The following IMMP2L variants were observed in gnomAD, a reference collection of about 807,000 sequenced individuals.
The protein encoded by IMMP2L is inner mitochondrial membrane peptidase subunit 2.
In IMMP2L, 18 loss-of-function variants were observed where a neutral mutation model predicts 19.3. That is an observed-to-expected ratio of 0.93 (90% CI 0.64 to 1.38). IMMP2L has a LOEUF of 1.38. Ranked by LOEUF, IMMP2L falls within the 40% of genes most tolerant of loss-of-function variation. IMMP2L has a pLI of 0.00. For missense variants in IMMP2L, 233 were observed against 218.2 expected (o/e 1.07, Z -0.43); for synonymous variants, 76 against 73.0 (o/e 1.04, Z -0.21).
chr7:111,418,071 T>C (rs1364056715), intron 3 of IMMP2L, among the ~76,000 whole-genome samples: 1 of 151,936 alleles, frequency 6.6e-6, no homozygotes, highest in Non-Finnish European at 1.5e-5. Flanking sequence ...TCAAACATTA[T>C]GTATCCTATA....
intron 3 of IMMP2L, among the ~76,000 whole-genome samples, chr7:111,118,500 T>A (rs1354958493): frequency 6.6e-6 from 1 of 152,064 alleles, no homozygotes; most frequent in Admixed American, 6.6e-5. Context: ...TAGGTTTTAA[T>A]CCCACCCCAC....
At chr7:111,049,850 G>C (rs892555459) in intron 3 of IMMP2L, among the ~76,000 whole-genome samples, 1 of 152,168 alleles carries the variant, frequency 6.6e-6, no homozygotes, top group African/African-American at 2.4e-5. Flanking sequence ...AAATATTTAG[G>C]GGAAATTAAC....
rs554390528 is a variant in IMMP2L, at chr7:110,669,681, C to A, written c.409-5960G>T. Among the ~76,000 whole-genome samples, 87 of 152,282 alleles carry A rather than the reference C, an allele frequency of 5.7e-4. No individual in the cohort carries two copies. The Middle Eastern group carries it at 0.014, about 24-fold the overall frequency. On this transcript the variant is annotated intron_variant, in intron 5 of 5. Coordinates refer to ENST00000405709, the MANE Select transcript of IMMP2L (RefSeq NM_032549.4). ...CTTAAAATAAGCCATGGGGTAAGTA[C>A]TGTTACTGCCTCTATTTCGTAGCCG...
rs181762469 is a variant in IMMP2L, at chr7:110,893,434, G to T, written c.306-6739C>A. 3.2e-3 allele frequency among the ~76,000 whole-genome samples: 492 copies of T among 152,192 alleles called. 2 individuals are homozygous for T. Among genetic ancestry groups the T allele is most frequent in the African/African-American group, 0.011 (477 of 41,516 alleles). On this transcript the variant is annotated intron_variant, in intron 4 of 5. Coordinates refer to ENST00000405709, the MANE Select transcript of IMMP2L (RefSeq NM_032549.4). The stretch of plus-strand genomic sequence containing the variant: ...TCTTACTTTAGTCTAACGCTTTTGA[G>T]ATCAGTTCACATTGTTCAAACCAAA...
chr7:110,688,291 C>T (rs569465164), intron 5 of IMMP2L, among the ~76,000 whole-genome samples: 2 of 152,024 alleles, frequency 1.3e-5, no homozygotes, highest in South Asian at 4.1e-4. Context: ...AGAAATAGCT[C>T]GTGGAAACAC....
intron 3 of IMMP2L, among the ~76,000 whole-genome samples, chr7:111,421,339 G>C (rs38749): frequency 1.4e-5 from 2 of 141,758 alleles, no homozygotes; most frequent in African/African-American, 5.4e-5. Flanking sequence ...GCGCAATCTC[G>C]GCTCACTGCA....
chr7:111,223,573 G>A (rs542859661), intron 3 of IMMP2L, among the ~76,000 whole-genome samples: 89 of 152,062 alleles, frequency 5.9e-4, no homozygotes, highest in Admixed American at 4.6e-3. Context: ...TTCACACCAC[G>A]TATGTCAGCC....
intron 5 of IMMP2L, among the ~76,000 whole-genome samples, chr7:110,792,395 G>T (rs6976164): frequency 0.96 from 145,753 of 151,664 alleles, 70,055 homozygotes; most frequent in East Asian, 0.98. Flanking sequence ...AAATCTGTAT[G>T]AAATCAAACC....
At chr7:110,894,228 C>A (rs1013914874) in intron 4 of IMMP2L, among the ~76,000 whole-genome samples, 1 of 152,198 alleles carries the variant, frequency 6.6e-6, no homozygotes, top group African/African-American at 2.4e-5. Flanking sequence ...TATAATACCT[C>A]CCCTCAGCTA....
intron 3 of IMMP2L, among the ~76,000 whole-genome samples, chr7:111,398,683 C>T (rs1163181044): frequency 6.6e-6 from 1 of 152,038 alleles, no homozygotes; most frequent in Non-Finnish European, 1.5e-5. Flanking sequence ...GGAATTCAAA[C>T]TGTCACTGTT....
chr7:110,697,914 T>C (rs1382207537), intron 5 of IMMP2L, among the ~76,000 whole-genome samples: 2 of 152,250 alleles, frequency 1.3e-5, no homozygotes, highest in African/African-American at 4.8e-5. Context: ...TTGTGTAATG[T>C]ATACATGTAA....
At chr7:111,306,996 T>A (rs891420364) in intron 3 of IMMP2L, among the ~76,000 whole-genome samples, 5 of 148,930 alleles carry the variant, frequency 3.4e-5, no homozygotes, top group Non-Finnish European at 5.9e-5. Flanking sequence ...AGATATATAT[T>A]ACATTCTAAT....
intron 3 of IMMP2L, among the ~76,000 whole-genome samples, chr7:110,964,270 A>T (rs534501228): frequency 6.6e-6 from 1 of 152,094 alleles, no homozygotes; most frequent in Non-Finnish European, 1.5e-5. Context: ...GGATTAGTAC[A>T]TAAGAAAATG....
At chr7:111,168,187 C>T (rs1351101567) in intron 3 of IMMP2L, among the ~76,000 whole-genome samples, 2 of 151,764 alleles carry the variant, frequency 1.3e-5, no homozygotes, top group Non-Finnish European at 2.9e-5. Context: ...GTGTTAAAAT[C>T]ACTTATAAAT....
chr7:111,503,473 G>A (rs1375757007), intron 2 of IMMP2L, among the ~76,000 whole-genome samples: 1 of 152,104 alleles, frequency 6.6e-6, no homozygotes, highest in Non-Finnish European at 1.5e-5. Flanking sequence ...CATTTTAGGA[G>A]GCCAGCATCA....
chr7:110,866,871 A>C (rs1023108179), intron 5 of IMMP2L, among the ~76,000 whole-genome samples: 1 of 152,056 alleles, frequency 6.6e-6, no homozygotes, highest in African/African-American at 2.4e-5. Context: ...TATTTTACAA[A>C]ATGTTCAAAG....
At chr7:111,282,763 T>C (rs1368677044) in intron 3 of IMMP2L, among the ~76,000 whole-genome samples, 1 of 152,088 alleles carries the variant, frequency 6.6e-6, no homozygotes, top group African/African-American at 2.4e-5. Flanking sequence ...TTTGTGTGTT[T>C]TATAGAGACT....
chr7:110,807,756 C>T (rs1801730034), intron 5 of IMMP2L, among the ~76,000 whole-genome samples: 1 of 151,866 alleles, frequency 6.6e-6, no homozygotes, highest in Admixed American at 6.6e-5. Context: ...GGTATCCTAC[C>T]AAGGAAACAG....
intron 5 of IMMP2L, among the ~76,000 whole-genome samples, chr7:110,705,578 T>A (rs1406936953): frequency 6.6e-6 from 1 of 152,162 alleles, no homozygotes; most frequent in African/African-American, 2.4e-5. Context: ...TTTTTTTAAA[T>A]AATTTCAACT....
Sources: allele counts gnomAD v4.1 joint callset (sites outside exome capture counted in the v4.1 genomes callset), GRCh38; gene constraint gnomAD v4.1.1; transcripts MANE v1.5; gene names NCBI Gene and HGNC (gene_info 2026-07-23, HGNC 2026-07-21).